Variants in LY96 observed in about 807,000 individuals in gnomAD.
LY96 encodes myeloid differentiation protein-2.
Under a neutral mutation model 18.9 loss-of-function variants are expected in LY96, and 18 were observed. The ratio of observed to expected loss-of-function variants is 0.95; its 90% CI spans 0.66 to 1.41. The LOEUF (loss-of-function observed/expected upper bound fraction) is 1.41. Ranked by LOEUF, LY96 falls within the 40% of genes most tolerant of loss-of-function variation. LY96 has a pLI of 0.00. For synonymous variants in LY96, 66 were observed against 62.6 expected (o/e 1.06, Z -0.26); for missense variants, 175 against 182.4 (o/e 0.96, Z 0.23).
chr8:74,041,805 G>A, the LY96 span, among the ~76,000 whole-genome samples: 1 of 152,190 alleles, frequency 6.6e-6, no homozygotes, highest in African/African-American at 2.4e-5. Context: ...TACATACACA[G>A]CTGAACATAG....
chr8:74,038,964 C>T, the LY96 span, among the ~76,000 whole-genome samples: 2 of 152,208 alleles, frequency 1.3e-5, no homozygotes, highest in African/African-American at 4.8e-5. Context: ...TACTAATTTA[C>T]ATTCATGCCA....
At chr8:74,087,611 T>C in the LY96 span, among the ~76,000 whole-genome samples, 1 of 152,310 alleles carries the variant, frequency 6.6e-6, no homozygotes, top group African/African-American at 2.4e-5. Flanking sequence ...GTAAAGGGCC[T>C]CAAACATGTC....
the LY96 span, among the ~76,000 whole-genome samples, chr8:74,082,068 A>C: frequency 1.3e-5 from 2 of 152,134 alleles, no homozygotes; most frequent in Non-Finnish European, 2.9e-5. Flanking sequence ...CAATTATAGA[A>C]TATTTCCCTT....
chr8:74,076,613 C>A, the LY96 span, among the ~76,000 whole-genome samples: 1 of 152,082 alleles, frequency 6.6e-6, no homozygotes, highest in Non-Finnish European at 1.5e-5. Flanking sequence ...GCGTAAGTCA[C>A]TGCGCCCACC....
the LY96 span, among the ~76,000 whole-genome samples, chr8:74,071,411 C>G: frequency 6.6e-6 from 1 of 152,086 alleles, no homozygotes; most frequent in African/African-American, 2.4e-5. Context: ...ATGTAGGGCA[C>G]TGCAACCAGT....
At chr8:74,029,695 TG>T (rs1211910815), downstream of LY96, among the ~76,000 whole-genome samples, 1 of 152,324 alleles carries the variant, frequency 6.6e-6, no homozygotes, top group African/African-American at 2.4e-5. Flanking sequence ...AGTCTCACTC[TG>T]TCACCCAGGC....
the LY96 span, chr8:74,056,341 G>T: frequency 2.9e-6 from 1 of 350,168 alleles, no homozygotes; most frequent in South Asian, 2.3e-5. Flanking sequence ...CAACAGGTCT[G>T]ACAAATCCGG....
intron 3 of LY96, among the ~76,000 whole-genome samples, chr8:74,012,127 G>T (rs907925888): frequency 3.4e-4 from 51 of 152,138 alleles, no homozygotes; most frequent in African/African-American, 1.2e-3. Context: ...AAAGCAATAT[G>T]GAGATTTATC....
intron 1 of LY96, among the ~76,000 whole-genome samples, chr8:74,002,048 T>C (rs1399282875): frequency 2.9e-4 from 11 of 38,478 alleles, no homozygotes; most frequent in East Asian, 6.3e-4. Context: ...CCTTCCTTCC[T>C]TCCTTCCTTC....
At chr8:74,007,280 A>G (rs1445325435) in intron 2 of LY96, among the ~76,000 whole-genome samples, 2 of 152,034 alleles carry the variant, frequency 1.3e-5, no homozygotes, top group Non-Finnish European at 1.5e-5. Flanking sequence ...TCTGCCAGCT[A>G]CTCTTCTCAC....
At chr8:74,068,115 TTTCCCAA>T in the LY96 span, among the ~76,000 whole-genome samples, 1 of 144,420 alleles carries the variant, frequency 6.9e-6, no homozygotes, top group African/African-American at 2.7e-5. Context: ...ATTTCCTTCA[TTTCCCAA>T]AGATTTTCTT....
chr8:74,006,439 C>A (rs1257355060), intron 2 of LY96, among the ~76,000 whole-genome samples: 1 of 152,168 alleles, frequency 6.6e-6, no homozygotes, highest in Admixed American at 6.5e-5. Flanking sequence ...CTCAAGTGAT[C>A]CACCCGCCTA....
At chr8:74,040,172 A>G in the LY96 span, among the ~76,000 whole-genome samples, 1 of 152,258 alleles carries the variant, frequency 6.6e-6, no homozygotes, top group Non-Finnish European at 1.5e-5. Context: ...GAAGAGTAAT[A>G]TTAAAAGCTA....
the LY96 span, among the ~76,000 whole-genome samples, chr8:74,064,702 C>T: frequency 1.3e-5 from 2 of 152,100 alleles, no homozygotes; most frequent in Non-Finnish European, 2.9e-5. Flanking sequence ...CAATAAACCT[C>T]TTTTCTCTAT....
the LY96 span, among the ~76,000 whole-genome samples, chr8:74,070,653 G>C: frequency 6.6e-6 from 1 of 151,876 alleles, no homozygotes; most frequent in Admixed American, 6.6e-5. Flanking sequence ...CCTTGTTTTT[G>C]AGCGTTACAG....
chr8:74,020,711 C>T (rs947407378), intron 3 of LY96, among the ~76,000 whole-genome samples: 2 of 152,068 alleles, frequency 1.3e-5, no homozygotes, highest in African/African-American at 4.8e-5. Flanking sequence ...GGTACTGGTA[C>T]CAAAACAGAG....
the LY96 span, among the ~76,000 whole-genome samples, chr8:74,044,020 T>A: frequency 6.6e-6 from 1 of 152,222 alleles, no homozygotes; most frequent in African/African-American, 2.4e-5. Context: ...ACCTCCTGCC[T>A]CAGCCTTAAA....
At chr8:74,068,081 A>ATATATATATATATATATATAT in the LY96 span, among the ~76,000 whole-genome samples, 6 of 95,374 alleles carry the variant, frequency 6.3e-5, no homozygotes, top group African/African-American at 3.5e-4. Flanking sequence ...AAAAAAAAAA[A>ATATATATATATATATATATAT]AAAAAAAAAT....
At chr8:74,037,597 C>G in the LY96 span, among the ~76,000 whole-genome samples, 1 of 152,120 alleles carries the variant, frequency 6.6e-6, no homozygotes, top group South Asian at 2.1e-4. Context: ...TGTGCCACTG[C>G]ACTCCAGCTG....
Sources: gnomAD v4.1 joint callset for allele counts (sites outside exome capture counted in the v4.1 genomes callset) on GRCh38, gnomAD v4.1.1 for gene constraint, MANE v1.5 for transcripts, NCBI Gene and HGNC (gene_info 2026-07-23, HGNC 2026-07-21) for gene names.